NKAIN2: variants seen among roughly 807,000 people sequenced by gnomAD.
The protein encoded by NKAIN2 is sodium/potassium-transporting ATPase subunit beta-1-interacting protein 2.
A neutral mutation model predicts 32.6 loss-of-function variants in NKAIN2; 14 were observed. The observed-to-expected ratio is 0.43, with a 90% confidence interval of 0.28 to 0.67. The LOEUF (loss-of-function observed/expected upper bound fraction) is 0.67. NKAIN2 is among the 30% of genes least tolerant of loss of function. The probability of loss-of-function intolerance (pLI) is 0.17; values close to 1 mark genes in which losing one functional copy is unlikely to be tolerated. For missense variants in NKAIN2, 198 were observed against 258.3 expected, an observed-to-expected ratio of 0.77 and a Z score of 1.60; for synonymous variants, 80 against 87.2, an observed-to-expected ratio of 0.92 and a Z score of 0.46.
chr6:123,980,346 A>G (rs1357006064), intron 1 of NKAIN2, among the ~76,000 whole-genome samples: 1 of 152,204 alleles, frequency 6.6e-6, no homozygotes, highest in African/African-American at 2.4e-5. Context: ...TATTTTAATC[A>G]AAAAGGTCAT....
chr6:124,368,806 T>A (rs931123913), intron 3 of NKAIN2, among the ~76,000 whole-genome samples: 1 of 152,192 alleles, frequency 6.6e-6, no homozygotes, highest in Non-Finnish European at 1.5e-5. Context: ...CTCTTTTCAA[T>A]CTGTTAGTAA....
At chr6:124,134,537 A>G (rs1287134871) in intron 1 of NKAIN2, among the ~76,000 whole-genome samples, 1 of 152,172 alleles carries the variant, frequency 6.6e-6, no homozygotes, top group Non-Finnish European at 1.5e-5. Context: ...TACAAAAATT[A>G]GCTGGGCATG....
chr6:124,245,615 A>T (rs1355220897), intron 1 of NKAIN2, among the ~76,000 whole-genome samples: 1 of 152,066 alleles, frequency 6.6e-6, no homozygotes, highest in African/African-American at 2.4e-5. Context: ...ATTCAGAAAA[A>T]TAAAATTAAC....
In NKAIN2 at chr6:124,182,714, C is replaced by A. The variant is rs555414064; in HGVS notation, c.55-100291C>A. 1.8e-4 allele frequency among the ~76,000 whole-genome samples: 28 copies of A among 152,162 alleles called. No homozygotes were observed. In the South Asian group the frequency reaches 5.2e-3, roughly 28 times the overall value. ...TAATGTTTGACCTGAAACTAATACA[C>A]CTGATTGAGAAAATAATTAAGGTGT... On this transcript the variant is annotated intron_variant, in intron 1 of 6. Coordinates refer to ENST00000368417, the MANE Select transcript of NKAIN2 (RefSeq NM_001040214.3).
At chr6:123,840,388 TC>T (rs1774820364) in intron 1 of NKAIN2, among the ~76,000 whole-genome samples, 1 of 152,080 alleles carries the variant, frequency 6.6e-6, no homozygotes. Flanking sequence ...TTCCTTTTAA[TC>T]AAAGATGATT....
rs151078001 is a variant in NKAIN2 at position 124,632,119 on chromosome 6, A to G, written c.274-26067A>G. Among the ~76,000 whole-genome samples the G allele has an allele frequency of 4.2e-4, 64 of 152,296 alleles. No individual in the cohort carries two copies. In the East Asian group the frequency reaches 0.011, roughly 26 times the overall value. ...ATTGGTGATAATGACATACGTTTAA[A>G]TAGTGTAAATTCAGATAGCTAATTT... On this transcript the variant is annotated intron_variant, in intron 3 of 6. Transcript: ENST00000368417.
At chr6:124,169,413 C>T (rs982576367) in intron 1 of NKAIN2, among the ~76,000 whole-genome samples, 5 of 152,106 alleles carry the variant, frequency 3.3e-5, no homozygotes. Context: ...AAATGCCAAG[C>T]AGTGGGATTT....
At position 123,989,904 on chromosome 6, in the gene NKAIN2, G is replaced by A. The variant is rs139180360; in HGVS notation, c.54+185650G>A. Among the ~76,000 whole-genome samples, 1,075 of 152,266 alleles carry A rather than the reference G, an allele frequency of 7.1e-3. 14 individuals are homozygous for A. The highest frequency in any genetic ancestry group is 0.024 in the African/African-American group (982 of 41,550). On this transcript the variant is annotated intron_variant, in intron 1 of 6. Coordinates refer to ENST00000368417, the MANE Select transcript of NKAIN2 (RefSeq NM_001040214.3). ...ATAAATAAGATCTTGTTCATGGAAT[G>A]TATTAGTTCATTCTCACACAGCTAT... is the stretch of plus-strand genomic sequence containing the variant.
At chr6:124,027,668 C>T (rs1374219791) in intron 1 of NKAIN2, among the ~76,000 whole-genome samples, 1 of 152,134 alleles carries the variant, frequency 6.6e-6, no homozygotes, top group East Asian at 1.9e-4. Flanking sequence ...CATTATCCAT[C>T]GCTTTTGATA....
At chr6:124,656,364 G>A (rs942962390) in intron 3 of NKAIN2, among the ~76,000 whole-genome samples, 12 of 152,084 alleles carry the variant, frequency 7.9e-5, no homozygotes, top group African/African-American at 2.9e-4. Context: ...CCTTCCTGTA[G>A]GGAAAGTTGT....
intron 1 of NKAIN2, among the ~76,000 whole-genome samples, chr6:124,225,964 G>A (rs2114715002): frequency 6.6e-6 from 1 of 152,128 alleles, no homozygotes. Context: ...TAAAGCAACA[G>A]ATAGGGAGAC....
At chr6:124,005,300 G>T (rs1432118949) in intron 1 of NKAIN2, among the ~76,000 whole-genome samples, 1 of 152,040 alleles carries the variant, frequency 6.6e-6, no homozygotes, top group East Asian at 1.9e-4. Flanking sequence ...TCAAACAGAT[G>T]AATTCTTCCC....
intron 2 of NKAIN2, among the ~76,000 whole-genome samples, chr6:124,332,657 T>C (rs867549015): frequency 6.6e-6 from 1 of 152,194 alleles, no homozygotes; most frequent in Admixed American, 6.5e-5. Flanking sequence ...ATACAAAAAG[T>C]AATCCCAGTG....
intron 1 of NKAIN2, among the ~76,000 whole-genome samples, chr6:124,195,867 T>A (rs1008077236): frequency 8.5e-5 from 13 of 152,088 alleles, no homozygotes; most frequent in Non-Finnish European, 5.9e-5. Context: ...TTGGCTACTA[T>A]CCCAGTGTTG....
intron 1 of NKAIN2, among the ~76,000 whole-genome samples, chr6:123,851,249 T>C (rs1235442031): frequency 8.0e-6 from 1 of 124,364 alleles, no homozygotes; most frequent in Non-Finnish European, 1.8e-5. Context: ...GTTCTATTTT[T>C]TTTTTTTTTT....
chr6:124,589,989 G>A (rs540648447), intron 3 of NKAIN2, among the ~76,000 whole-genome samples: 1 of 152,122 alleles, frequency 6.6e-6, no homozygotes, highest in Non-Finnish European at 1.5e-5. Flanking sequence ...AAATTCTTTT[G>A]CTGTTGGGTC....
intron 4 of NKAIN2, among the ~76,000 whole-genome samples, chr6:124,661,463 G>T (rs899964588): frequency 6.6e-6 from 1 of 152,136 alleles, no homozygotes; most frequent in African/African-American, 2.4e-5. Flanking sequence ...CTGTCACCCT[G>T]TTGTTCGGTT....
intron 1 of NKAIN2, among the ~76,000 whole-genome samples, chr6:124,250,986 T>C (rs909369990): frequency 2.6e-5 from 4 of 151,880 alleles, no homozygotes; most frequent in Admixed American, 2.0e-4. Flanking sequence ...CTAAAACAGC[T>C]AAAGTAATCA....
intron 4 of NKAIN2, among the ~76,000 whole-genome samples, chr6:124,758,637 G>A (rs1424878651): frequency 6.6e-6 from 1 of 152,150 alleles, no homozygotes; most frequent in Non-Finnish European, 1.5e-5. Flanking sequence ...GAGCCTCACT[G>A]ATTAATCTCT....
Sources: gnomAD v4.1 joint callset for allele counts (sites outside exome capture counted in the v4.1 genomes callset) on GRCh38, gnomAD v4.1.1 for gene constraint, MANE v1.5 for transcripts, NCBI Gene and HGNC (gene_info 2026-07-23, HGNC 2026-07-21) for gene names.